Variants in PHEX observed in about 807,000 individuals in gnomAD.
PHEX encodes phosphate regulating endopeptidase X-linked, also known as phosphate-regulating neutral endopeptidase PHEX.
In PHEX, 16 loss-of-function variants were observed where a neutral mutation model predicts 68.0. The observed-to-expected ratio is 0.24, with a 90% confidence interval of 0.16 to 0.36. The LOEUF is 0.36. PHEX is among the 10% of genes least tolerant of loss of function. The probability of loss-of-function intolerance (pLI) is 1.00; values close to 1 mark genes in which losing one functional copy is unlikely to be tolerated. For synonymous variants in PHEX, 208 were observed against 205.1 expected (o/e 1.01, Z -0.12); for missense variants, 480 against 575.5 (o/e 0.83, Z 1.70).
intron 11 of PHEX, among the ~76,000 whole-genome samples, chrX:22,132,731 A>G (rs1057106322): frequency 2.7e-5 from 3 of 111,818 alleles, no homozygotes; most frequent in African/African-American, 9.8e-5. Context: ...ATTAGTTGGC[A>G]CCTTGATAAG....
intron 20 of PHEX, among the ~76,000 whole-genome samples, chrX:22,243,984 G>C (rs181345442): frequency 6.3e-5 from 7 of 111,974 alleles, no homozygotes; most frequent in Non-Finnish European, 1.3e-4. Flanking sequence ...CCATGCATAC[G>C]TATGTTTATT....
intron 12 of PHEX, among the ~76,000 whole-genome samples, chrX:22,152,594 G>C (rs1204024454): frequency 9.0e-6 from 1 of 111,713 alleles, no homozygotes; most frequent in Non-Finnish European, 1.9e-5. Flanking sequence ...ACAACAACAT[G>C]GACAAATTTC....
chrX:22,101,916 T>C (rs1930447378), intron 9 of PHEX, among the ~76,000 whole-genome samples: 1 of 111,756 alleles, frequency 8.9e-6, no homozygotes, highest in Non-Finnish European at 1.9e-5. Flanking sequence ...TCCCTACCTC[T>C]ATGACACTGT....
At chrX:22,238,190 T>C (rs1936050826) in intron 20 of PHEX, among the ~76,000 whole-genome samples, 1 of 112,180 alleles carries the variant, frequency 8.9e-6, no homozygotes, top group Admixed American at 9.4e-5. Flanking sequence ...CCCAGCAGGA[T>C]TGACACAGAA....
chrX:22,187,948 C>T (rs993671525), intron 14 of PHEX, among the ~76,000 whole-genome samples: 11 of 111,433 alleles, frequency 9.9e-5, no homozygotes, highest in African/African-American at 3.6e-4. Context: ...TCTCATTATC[C>T]TCGTCTGTGA....
chrX:22,079,223 T>C (rs1384742844), intron 5 of PHEX, among the ~76,000 whole-genome samples: 1 of 112,113 alleles, frequency 8.9e-6, no homozygotes, highest in African/African-American at 3.2e-5. Context: ...GTAGCCATTT[T>C]ATTATCTTTC....
At chrX:22,098,795 CAAAAAAAAAAAAAAAAAAAAA>C (rs746223770) in intron 8 of PHEX, among the ~76,000 whole-genome samples, 190 bp from the exon 9 acceptor site, 7 of 11,364 alleles carry the variant, frequency 6.2e-4, no homozygotes, top group Non-Finnish European at 1.4e-3. Context: ...GAGAATGTCT[CAAAAAAAAAAAAAAAAAAAAA>C]AAAAAAAAAA....
At chrX:22,130,674 ATC>A (rs1931955867) in intron 11 of PHEX, among the ~76,000 whole-genome samples, 1 of 109,913 alleles carries the variant, frequency 9.1e-6, no homozygotes, top group African/African-American at 3.3e-5. Context: ...TGACTTATGC[ATC>A]TCTCAGTTGA....
rs780528206 is a variant in PHEX at position 22,079,812 on chromosome X, CT to C, written c.663+2112del. 5.5e-3 allele frequency among the ~76,000 whole-genome samples: 608 copies of C among 111,096 alleles called. 5 individuals carry two copies. The highest frequency in any genetic ancestry group is 0.019 in the African/African-American group (566 of 30,568). ...GGTAATCTAATAGCTGATGAAAGTT[CT>C]TGTTTATAGGAGAATCACAGCTTAA... is the stretch of plus-strand genomic sequence containing the variant. On this transcript the variant is annotated intron_variant, in intron 5 of 21. Transcript: ENST00000379374.
At chrX:22,144,805 G>GTCAA (rs1412549667) in intron 12 of PHEX, among the ~76,000 whole-genome samples, 4 of 109,469 alleles carry the variant, frequency 3.7e-5, no homozygotes, top group Non-Finnish European at 5.7e-5. Flanking sequence ...GCATATTGCA[G>GTCAA]TCAATAGGTA....
chrX:22,240,521 C>T (rs1602432087), intron 20 of PHEX, among the ~76,000 whole-genome samples: 1 of 108,620 alleles, frequency 9.2e-6, no homozygotes, highest in African/African-American at 3.4e-5. Flanking sequence ...CACATAGACT[C>T]AAAATAAAGG....
chrX:22,148,047 C>T (rs1932759987), intron 12 of PHEX, among the ~76,000 whole-genome samples: 1 of 109,890 alleles, frequency 9.1e-6, no homozygotes, highest in Admixed American at 9.7e-5. Context: ...TAACAAATTA[C>T]CCCAAAACTT....
intron 10 of PHEX, 85 bp from the exon 11 acceptor site, chrX:22,114,373 A>T (rs1398592641): frequency 2.3e-6 from 2 of 888,156 alleles, no homozygotes; most frequent in Non-Finnish European, 3.3e-6. Flanking sequence ...TGTTTTGTAG[A>T]CTGTTTTCTT....
At chrX:22,094,125 C>G (rs373725747) in intron 7 of PHEX, 26 bp downstream of exon 7, 11 of 814,489 alleles carry the variant, frequency 1.4e-5, no homozygotes, top group Non-Finnish European at 2.0e-5. Flanking sequence ...AAATCTCTTT[C>G]TTTCCTTTAC....
intron 5 of PHEX, among the ~76,000 whole-genome samples, chrX:22,080,673 C>T (rs1008733569): frequency 9.0e-6 from 1 of 110,852 alleles, no homozygotes; most frequent in African/African-American, 3.3e-5. Context: ...AAGCCCCCCC[C>T]ACTTATAGGT....
At chrX:22,045,030 TG>T (rs1346655215) in intron 2 of PHEX, among the ~76,000 whole-genome samples, 1,291 of 101,901 alleles carry the variant, frequency 0.013, 22 homozygotes, top group African/African-American at 0.046. Flanking sequence ...GTTTTTTTTT[TG>T]TGTGTGTGTG....
intron 20 of PHEX, 34 bp downstream of exon 20, chrX:22,227,645 G>A: frequency 3.1e-6 from 3 of 970,963 alleles, no homozygotes; most frequent in Non-Finnish European, 3.0e-6. Flanking sequence ...TCAGGGATGA[G>A]ATGCAGGACT....
chrX:22,196,043 G>A (rs1251432754), intron 15 of PHEX, among the ~76,000 whole-genome samples: 1 of 111,665 alleles, frequency 9.0e-6, no homozygotes. Context: ...GCCAGGTGTG[G>A]TGGCATGCAC....
chrX:22,126,658 G>A (rs1305662497), intron 11 of PHEX, among the ~76,000 whole-genome samples: 3 of 110,358 alleles, frequency 2.7e-5, no homozygotes, highest in Non-Finnish European at 5.7e-5. Context: ...TGGATTGAAG[G>A]GTAACAAGTG....
Sources: gnomAD v4.1 joint callset for allele counts (sites outside exome capture counted in the v4.1 genomes callset) on GRCh38, gnomAD v4.1.1 for gene constraint, MANE v1.5 for transcripts, NCBI Gene and HGNC (gene_info 2026-07-23, HGNC 2026-07-21) for gene names.